The following C10orf67 variants were observed in gnomAD, a reference collection of about 807,000 sequenced individuals.
The protein encoded by C10orf67 is chromosome 10 open reading frame 67, also known as uncharacterized protein C10orf67, mitochondrial.
Under a neutral mutation model 35.6 loss-of-function variants are expected in C10orf67, and 60 were observed. The observed-to-expected ratio is 1.68, with a 90% confidence interval of 1.37 to 2.09. The LOEUF (loss-of-function observed/expected upper bound fraction) is 2.09. Ranked by LOEUF, C10orf67 falls within the 30% of genes most tolerant of loss-of-function variation. C10orf67 has a pLI of 0.00. For missense variants in C10orf67, 474 were observed against 330.2 expected (o/e 1.44, Z -3.38); for synonymous variants, 167 against 115.8 (o/e 1.44, Z -2.84).
chr10:23,319,231 C>T (rs1844852594), intron 4 of C10orf67, among the ~76,000 whole-genome samples: 1 of 152,078 alleles, frequency 6.6e-6, no homozygotes, highest in Non-Finnish European at 1.5e-5. Flanking sequence ...TGTTTAGCTC[C>T]CACTCATAAG....
rs1564465019 is a variant in C10orf67, at chr10:23,234,936, CGG to C, written c.1434+4791_1434+4792del. ...CTGAGGCAGGAGAATTGCTTGAACC[CGG>C]GAGGCGGAGGTTGCGGTGAGCCGAG... is the stretch of plus-strand genomic sequence containing the variant. On this transcript the variant is annotated intron_variant, in intron 13 of 15. Coordinates refer to ENST00000636213, the MANE Select transcript of C10orf67 (RefSeq NM_001371909.1). Among the ~76,000 whole-genome samples the C allele has an allele frequency of 2.2e-5, 3 of 137,122 alleles. No individual in the cohort carries two copies. In the South Asian group the frequency reaches 7.5e-4, roughly 34 times the overall value. 90.0% of individuals were successfully genotyped at this position (137,122 alleles called of 152,430 possible).
At chr10:23,282,742 G>A (rs1843404906) in intron 7 of C10orf67, among the ~76,000 whole-genome samples, 1 of 152,146 alleles carries the variant, frequency 6.6e-6, no homozygotes. Flanking sequence ...GAAGCAGGAG[G>A]ATTGCTTGAG....
At chr10:23,332,521 A>C (rs1474131221) in intron 2 of C10orf67, among the ~76,000 whole-genome samples, 1 of 152,108 alleles carries the variant, frequency 6.6e-6, no homozygotes, top group Non-Finnish European at 1.5e-5. Flanking sequence ...CATCTCTACA[A>C]AGCATACATA....
intron 4 of C10orf67, among the ~76,000 whole-genome samples, chr10:23,308,903 G>T (rs1009188261): frequency 2.6e-5 from 4 of 152,064 alleles, no homozygotes; most frequent in Non-Finnish European, 1.5e-5. Flanking sequence ...AAATCCAGAT[G>T]CCACCTGCTC....
chr10:23,249,864 C>G (rs1842404600), intron 12 of C10orf67, among the ~76,000 whole-genome samples: 1 of 152,154 alleles, frequency 6.6e-6, no homozygotes, highest in African/African-American at 2.4e-5. Context: ...CACAACTAAA[C>G]AGAAGACAGA....
At chr10:23,280,506 C>G (rs1257978864) in intron 8 of C10orf67, among the ~76,000 whole-genome samples, 1 of 152,110 alleles carries the variant, frequency 6.6e-6, no homozygotes, top group African/African-American at 2.4e-5. Context: ...CTCGATGGGT[C>G]CAAAGCAGGT....
intron 10 of C10orf67, among the ~76,000 whole-genome samples, chr10:23,261,017 C>T (rs950168648): frequency 2.6e-5 from 4 of 152,150 alleles, no homozygotes; most frequent in Non-Finnish European, 4.4e-5. Flanking sequence ...GAATCACACT[C>T]GAGGTTGTTT....
At chr10:23,332,633 A>T (rs369516116) in intron 2 of C10orf67, among the ~76,000 whole-genome samples, 1 of 151,602 alleles carries the variant, frequency 6.6e-6, no homozygotes, top group Non-Finnish European at 1.5e-5. Context: ...ACAGTGAGCT[A>T]TGATCACACC....
intron 8 of C10orf67, among the ~76,000 whole-genome samples, chr10:23,273,784 C>A (rs953581135): frequency 6.6e-6 from 1 of 152,208 alleles, no homozygotes; most frequent in African/African-American, 2.4e-5. Flanking sequence ...TTGACTAGGA[C>A]CAAGTCCTGC....
chr10:23,335,187 C>CAA (rs147004467), intron 1 of C10orf67, among the ~76,000 whole-genome samples: 5 of 79,330 alleles, frequency 6.3e-5, no homozygotes, highest in Admixed American at 1.4e-4. Context: ...GATTCTGTCT[C>CAA]AAAAAAAAAA....
At chr10:23,322,766 C>A (rs1222915775) in intron 2 of C10orf67, among the ~76,000 whole-genome samples, 1 of 151,992 alleles carries the variant, frequency 6.6e-6, no homozygotes, top group African/African-American at 2.4e-5. Flanking sequence ...ATCATCTGTA[C>A]AACAAACTCC....
At chr10:23,305,623 A>G (rs976623617) in intron 4 of C10orf67, among the ~76,000 whole-genome samples, 5 of 152,254 alleles carry the variant, frequency 3.3e-5, no homozygotes, top group Non-Finnish European at 5.9e-5. Context: ...ATATTACCTC[A>G]TTATGATAAG....
At chr10:23,229,280 T>G (rs1474669374) in intron 13 of C10orf67, among the ~76,000 whole-genome samples, 13 of 151,908 alleles carry the variant, frequency 8.6e-5, no homozygotes, top group South Asian at 2.1e-4. Flanking sequence ...CATGTCCTTT[T>G]TAGGGACATG....
chr10:23,249,594 T>G (rs372363539), intron 12 of C10orf67, among the ~76,000 whole-genome samples: 5 of 152,228 alleles, frequency 3.3e-5, no homozygotes, highest in African/African-American at 9.6e-5. Flanking sequence ...TAGGATGAAT[T>G]ATTTCCATAG....
At chr10:23,289,548 C>G (rs373595196) in intron 7 of C10orf67, among the ~76,000 whole-genome samples, 6 of 152,332 alleles carry the variant, frequency 3.9e-5, no homozygotes, top group Admixed American at 3.9e-4. Flanking sequence ...CATTCATGAA[C>G]ATCAACTAAC....
chr10:23,338,763 C>A (rs1588714886), intron 1 of C10orf67, among the ~76,000 whole-genome samples: 2 of 152,280 alleles, frequency 1.3e-5, no homozygotes, highest in South Asian at 2.1e-4. Flanking sequence ...AATCCCAGCA[C>A]TTTGGGAGGC....
chr10:23,313,525 T>C (rs745655305), intron 4 of C10orf67, among the ~76,000 whole-genome samples: 6 of 152,182 alleles, frequency 3.9e-5, no homozygotes, highest in African/African-American at 7.2e-5. Flanking sequence ...GGGAGAAGAA[T>C]ACAAAGATGA....
At chr10:23,259,836 A>G (rs80089827) in intron 10 of C10orf67, among the ~76,000 whole-genome samples, 2,425 of 152,258 alleles carry the variant, frequency 0.016, 56 homozygotes, top group African/African-American at 0.047. Context: ...AGTGAATTTG[A>G]AGTTAGGTTA....
intron 7 of C10orf67, among the ~76,000 whole-genome samples, chr10:23,285,570 T>A (rs898627538): frequency 3.3e-5 from 5 of 151,974 alleles, no homozygotes; most frequent in African/African-American, 4.8e-5. Flanking sequence ...TATAAAAAAT[T>A]ATTAGTGAGA....
Sources: allele counts gnomAD v4.1 joint callset (sites outside exome capture counted in the v4.1 genomes callset), GRCh38; gene constraint gnomAD v4.1.1; transcripts MANE v1.5; gene names NCBI Gene and HGNC (gene_info 2026-07-23, HGNC 2026-07-21).